The following LPCAT1 variants were observed in gnomAD, a reference collection of about 807,000 sequenced individuals.
The protein encoded by LPCAT1 is 1-acylglycerol-3-phosphate O-acyltransferase.
In LPCAT1, 23 loss-of-function variants were observed where a neutral mutation model predicts 60.9. That is an observed-to-expected ratio of 0.38 (90% CI 0.27 to 0.53). LPCAT1 has a LOEUF of 0.53. Ranked by LOEUF, LPCAT1 falls within the 20% of genes least tolerant of loss-of-function variation. The probability of loss-of-function intolerance (pLI) is 0.82; values close to 1 mark genes in which losing one functional copy is unlikely to be tolerated. For missense variants in LPCAT1, 622 were observed against 723.6 expected, an observed-to-expected ratio of 0.86 and a Z score of 1.61; for synonymous variants, 340 against 301.1, an observed-to-expected ratio of 1.13 and a Z score of -1.34.
chr5:1,499,723 C>T (rs763062691), intron 2 of LPCAT1, among the ~76,000 whole-genome samples: 33 of 152,310 alleles, frequency 2.2e-4, no homozygotes, highest in African/African-American at 7.5e-4. Context: ...GGACCCCCAA[C>T]GCCCAGGCTG....
Position 1,477,989 on chromosome 5 carries a change from T to G in LPCAT1, c.817-503A>C, listed in dbSNP as rs2963288. On this transcript the variant is annotated intron_variant, in intron 8 of 13. Transcript: ENST00000283415. The surrounding 1 kb of genome is among the most constrained non-coding windows in gnomAD (Gnocchi z 6.0). ...CACCCCCGTCAGTGCTCCTAGGAGC[T>G]CCTGCTGCCTACATCAGAACATCCA... Among the ~76,000 whole-genome samples the G allele has an allele frequency of 1.3e-5, 2 of 149,974 alleles. No homozygotes were observed. Among genetic ancestry groups the G allele is most frequent in the African/African-American group, 5.0e-5 (2 of 40,402 alleles).
At position 1,473,955 on chromosome 5, in the gene LPCAT1, A is replaced by AC. The variant is rs745960109; in HGVS notation, c.1179+1dup. The AC allele has an allele frequency of 6.2e-7, 1 of 1,614,040 alleles. No homozygotes were observed. On this transcript the variant is annotated splice_donor_variant, in intron 11 of 13. Coordinates refer to ENST00000283415, the MANE Select transcript of LPCAT1 (RefSeq NM_024830.5). LOFTEE classifies it high-confidence loss of function. ...CCCCGCTCCGCAGGCGACAGGCCCT[A>AC]CCTCGTCGAACAGTGAAAACATGTC...
chr5:1,494,416 G>A (rs57913679), intron 3 of LPCAT1, among the ~76,000 whole-genome samples: 2 of 148,022 alleles, frequency 1.4e-5, no homozygotes, highest in African/African-American at 4.9e-5. Flanking sequence ...CAGCGTGGTG[G>A]GGGGGGGGTC....
chr5:1,474,499 C>T (rs756244207), intron 10 of LPCAT1, 61 bp downstream of exon 10: 32 of 1,591,038 alleles, frequency 2.0e-5, no homozygotes, highest in East Asian at 1.8e-4. Context: ...AGGCAGCCCC[C>T]GCCAGACCTC....
chr5:1,480,906 A>G lies in LPCAT1; in HGVS notation c.761+36T>C. 6.2e-7 allele frequency: 1 copy of G among 1,613,528 alleles called. No individual in the cohort carries two copies. The highest frequency in any genetic ancestry group is 8.5e-7 in the Non-Finnish European group (1 of 1,179,724). On this transcript the variant is annotated intron_variant, in intron 7 of 13. Transcript: ENST00000283415. The surrounding 1 kb of genome is among the most constrained non-coding windows in gnomAD (Gnocchi z 6.4). ...AGCAGCCCCTACGTGTTCATGGAACAACAGGACAAAGAGGACGACACGGCG... is the reference window on the plus strand; with the variant it reads ...AGCAGCCCCTACGTGTTCATGGAACGACAGGACAAAGAGGACGACACGGCG...
chr5:1,478,385 T>C (rs1207596811), intron 8 of LPCAT1, among the ~76,000 whole-genome samples: 2 of 152,286 alleles, frequency 1.3e-5, no homozygotes, highest in Non-Finnish European at 2.9e-5. Context: ...TTGCATCTTG[T>C]ATGAACAACG....
At chr5:1,472,102 T>C (rs1290675670) in intron 11 of LPCAT1, among the ~76,000 whole-genome samples, 1 of 40,698 alleles carries the variant, frequency 2.5e-5, no homozygotes, top group African/African-American at 1.4e-4. Flanking sequence ...GAGCAGGAGA[T>C]AATGAGCACC....
intron 2 of LPCAT1, among the ~76,000 whole-genome samples, chr5:1,497,132 G>A (rs922062609): frequency 2.0e-5 from 3 of 152,200 alleles, no homozygotes; most frequent in Non-Finnish European, 4.4e-5. Flanking sequence ...CACCACGCTC[G>A]CCAAGAGAGT....
In LPCAT1 at chr5:1,463,520, C is replaced by A; in HGVS notation, c.*131G>T. The stretch of plus-strand genomic sequence containing the variant: ...ACAAGATACAAACAGCCCCCGAGGC[C>A]CCTGGAACTCGGGCTGAAGACAGTG... On this transcript the variant is annotated 3_prime_UTR_variant, in exon 14 of 14. Transcript: ENST00000283415. 6 of 946,982 alleles carry A rather than the reference C, an allele frequency of 6.3e-6. No homozygotes were observed. The highest frequency in any genetic ancestry group is 9.4e-6 in the Non-Finnish European group (6 of 641,710). 58.7% of individuals were successfully genotyped at this position (946,982 alleles called of 1,614,324 possible). A position where few individuals can be genotyped will look rare whatever the true frequency, so the allele number is the denominator to read the frequency against.
intron 5 of LPCAT1, among the ~76,000 whole-genome samples, chr5:1,484,140 C>CCT (rs756995897): frequency 3.3e-5 from 5 of 152,226 alleles, no homozygotes; most frequent in Admixed American, 6.5e-5. Context: ...CCGGGATCTG[C>CCT]CTCTCTCTCT....
At chr5:1,508,796 T>A (rs937450172) in intron 1 of LPCAT1, among the ~76,000 whole-genome samples, 1 of 152,206 alleles carries the variant, frequency 6.6e-6, no homozygotes, top group Non-Finnish European at 1.5e-5. Context: ...AAGGCGCCGG[T>A]GGTCACAATG....
chr5:1,480,413 T>G lies in LPCAT1; in HGVS notation c.761+529A>C, dbSNP rs985744761. The G allele has an allele frequency of 4.1e-6, 4 of 983,246 alleles. No homozygotes were observed. The African/African-American group carries it at 7.0e-5, about 17-fold the overall frequency. 60.9% of individuals were successfully genotyped at this position (983,246 alleles called of 1,614,324 possible). A position where few individuals can be genotyped will look rare whatever the true frequency, so the allele number is the denominator to read the frequency against. On this transcript the variant is annotated intron_variant, in intron 7 of 13. Transcript: ENST00000283415. The surrounding 1 kb of genome is among the most constrained non-coding windows in gnomAD (Gnocchi z 6.4). ...TGCCCTCCCGACGTCAGCTCAGACGTCAGCACCCAGGAGGCCCTGACCAGC... is the reference window on the plus strand; with the variant it reads ...TGCCCTCCCGACGTCAGCTCAGACGGCAGCACCCAGGAGGCCCTGACCAGC...
chr5:1,505,908 G>A (rs1736173548), intron 1 of LPCAT1, among the ~76,000 whole-genome samples: 1 of 152,214 alleles, frequency 6.6e-6, no homozygotes, highest in South Asian at 2.1e-4. Flanking sequence ...CTCCCCACCA[G>A]TCAGTGCACC....
At chr5:1,509,110 G>A (rs1736276129) in intron 1 of LPCAT1, among the ~76,000 whole-genome samples, 1 of 152,286 alleles carries the variant, frequency 6.6e-6, no homozygotes, top group African/African-American at 2.4e-5. Flanking sequence ...GGGCTCCAAT[G>A]CACCTGCAAC....
chr5:1,468,180 G>A (rs923619132), intron 12 of LPCAT1, among the ~76,000 whole-genome samples: 1 of 152,150 alleles, frequency 6.6e-6, no homozygotes, highest in Admixed American at 6.5e-5. Flanking sequence ...GACCGGGTCT[G>A]CTCCAGGCTC....
chr5:1,523,736 G>A lies in LPCAT1; in HGVS notation c.109C>T (p.Arg37Cys), dbSNP rs1216469134. 8.5e-7 allele frequency: 1 copy of A among 1,174,636 alleles called. No homozygotes were observed. The highest frequency in any genetic ancestry group is 4.9e-5 in the East Asian group (1 of 20,474). The allele number at this position is 1,174,636 out of a possible 1,614,324, so 72.8% of individuals were successfully genotyped here. The change falls in exon 1 of 14, where the codon CGC becomes TGC. Residue 37 changes from arginine to cysteine, a missense_variant. Physicochemically the swap from Arg to Cys is radical, Grantham distance 180 (BLOSUM62 -3). Coordinates refer to ENST00000283415, the MANE Select transcript of LPCAT1 (RefSeq NM_024830.5). This position sits in a 1 kb window ranked among gnomAD's most constrained non-coding sequence, Gnocchi z 7.1. ...TGGGCCTTCTGCAGGGCGCTGAGGC[G>A]CAGCTCGTGCACGAAGGGGTTCCGC... ...PGRNPFVHEL[R>C]LSALQKAQVA... is the part of the protein sequence containing the mutation.
chr5:1,523,792 GC>G lies in LPCAT1; in HGVS notation c.52del (p.Ala18ProfsTer32). ...GGGCGCCAGCAGCCGAGCGTCGCTG[GC>G]CCCTGCGCTGGAGGCAGGGGCGGCC... ...PRAAPASSAGASDARLLAPPG... is the reference protein window; with the variant it reads ...PRAAPASSAGXSDARLLAPPG... On this transcript the variant is annotated frameshift_variant, in exon 1 of 14. Transcript: ENST00000283415. LOFTEE classifies it high-confidence loss of function. This position sits in a 1 kb window ranked among gnomAD's most constrained non-coding sequence, Gnocchi z 7.1. 3 of 1,117,366 alleles carry G rather than the reference GC, an allele frequency of 2.7e-6. No individual in the cohort carries two copies. Among genetic ancestry groups the G allele is most frequent in the South Asian group, 3.5e-5 (1 of 28,718 alleles). 69.2% of individuals were successfully genotyped at this position (1,117,366 alleles called of 1,614,324 possible).
intron 1 of LPCAT1, among the ~76,000 whole-genome samples, chr5:1,512,097 C>T (rs556254804): frequency 1.1e-3 from 163 of 152,332 alleles, no homozygotes; most frequent in African/African-American, 3.8e-3. Flanking sequence ...GAGGGCGTAC[C>T]ACACTTAGAG....
In LPCAT1 at chr5:1,523,910, TGGGCGC is replaced by T. The variant is rs1561001409; in HGVS notation, c.-72_-67del. The T allele has an allele frequency of 2.0e-6, 2 of 992,128 alleles. No individual in the cohort carries two copies. The highest frequency in any genetic ancestry group is 3.6e-5 in the African/African-American group (2 of 56,320). The allele number at this position is 992,128 out of a possible 1,614,324, so 61.5% of individuals were successfully genotyped here. On this transcript the variant is annotated 5_prime_UTR_variant, in exon 1 of 14. Coordinates refer to ENST00000283415, the MANE Select transcript of LPCAT1 (RefSeq NM_024830.5). The surrounding 1 kb of genome is among the most constrained non-coding windows in gnomAD (Gnocchi z 7.1). ...GGCGCCGAGCGGGGCCGGGGCTAGC[TGGGCGC>T]GGGTCTCGGGGCGCGGGCCGAGGAT...
Sources: allele counts gnomAD v4.1 joint callset (sites outside exome capture counted in the v4.1 genomes callset), GRCh38; gene constraint gnomAD v4.1.1; non-coding constraint Gnocchi (gnomAD v3.1); transcripts MANE v1.5; gene names NCBI Gene and HGNC (gene_info 2026-07-23, HGNC 2026-07-21).